TMEM242: variants seen among roughly 807,000 people sequenced by gnomAD.
TMEM242 encodes the protein UPF0463 transmembrane protein C6orf35.
TMEM242 carries 10 observed loss-of-function variants against 18.2 expected under a neutral mutation model. The ratio of observed to expected loss-of-function variants is 0.55; its 90% CI spans 0.34 to 0.93. TMEM242 has a LOEUF of 0.93. TMEM242 is among the 40% of genes least tolerant of loss of function. TMEM242 has a pLI of 0.02. For synonymous variants in TMEM242, 57 were observed against 69.9 expected, an observed-to-expected ratio of 0.81 and a Z score of 0.92; for missense variants, 186 against 175.5, an observed-to-expected ratio of 1.06 and a Z score of -0.34.
intron 3 of TMEM242, among the ~76,000 whole-genome samples, chr6:157,304,492 G>A (rs4282429): frequency 0.036 from 1,138 of 31,270 alleles, 54 homozygotes; most frequent in African/African-American, 0.15. Flanking sequence ...AAAAAAAAAA[G>A]AGAGAGAGAG....
At chr6:157,321,571 T>A (rs1366054326) in intron 2 of TMEM242, among the ~76,000 whole-genome samples, 2 of 152,214 alleles carry the variant, frequency 1.3e-5, no homozygotes, top group African/African-American at 4.8e-5. Context: ...AAAATAGTTC[T>A]GACTTCATGG....
chr6:157,322,945 A>G, intron 1 of TMEM242, 140 bp from the exon 2 acceptor site: 1 of 721,606 alleles, frequency 1.4e-6, no homozygotes, highest in South Asian at 2.0e-5. Flanking sequence ...ACCATGGCTA[A>G]GCAGCTCTTG....
At position 157,305,649 on chromosome 6, in the gene TMEM242, C is replaced by T. The variant is rs1451825986; in HGVS notation, c.328-12650G>A. Among the ~76,000 whole-genome samples the T allele has an allele frequency of 6.6e-6, 1 of 152,110 alleles. No individual in the cohort carries two copies. Among genetic ancestry groups the T allele is most frequent in the Non-Finnish European group, 1.5e-5 (1 of 68,020 alleles). ...GAGTTTAAGTAGGAGCTACTGGACA[C>T]TGATGTTAAGAGGCTGGCCAGGGGA... On this transcript the variant is annotated intron_variant, in intron 3 of 3. Transcript: ENST00000400788. This position sits in a 1 kb window ranked among gnomAD's most constrained non-coding sequence, Gnocchi z 4.1.
chr6:157,300,051 G>T (rs1334503862), intron 3 of TMEM242: 13 of 812,664 alleles, frequency 1.6e-5, no homozygotes, highest in Non-Finnish European at 2.5e-5. Flanking sequence ...GCCTGACTGG[G>T]ACACAGGGAC....
At chr6:157,315,754 A>G (rs1554250276) in intron 3 of TMEM242, among the ~76,000 whole-genome samples, 1 of 152,224 alleles carries the variant, frequency 6.6e-6, no homozygotes, top group Non-Finnish European at 1.5e-5. Context: ...CAAAAAACAA[A>G]GAAGTTCACA....
At position 157,290,649 on chromosome 6, in the gene TMEM242, C is replaced by A. The variant is rs1483149504; in HGVS notation, c.*2252G>T. ...TGGTACAAAAGGAATAGACAAATGA[C>A]GAAATCTACTGATATTCAAGTTCTG... On this transcript the variant is annotated 3_prime_UTR_variant, in exon 4 of 4. Coordinates refer to ENST00000400788, the MANE Select transcript of TMEM242 (RefSeq NM_018452.6). The A allele has an allele frequency of 2.0e-5, 3 of 152,184 alleles. No individual in the cohort carries two copies. The highest frequency in any genetic ancestry group is 2.9e-5 in the Non-Finnish European group (2 of 68,024). The allele number at this position is 152,184 out of a possible 1,614,324, so 9.4% of individuals were successfully genotyped here. A position where few individuals can be genotyped will look rare whatever the true frequency, so the allele number is the denominator to read the frequency against.
intron 3 of TMEM242, among the ~76,000 whole-genome samples, chr6:157,317,679 G>A (rs587732038): frequency 4.6e-5 from 7 of 152,088 alleles, no homozygotes; most frequent in East Asian, 1.9e-4. Context: ...ACTATCAAAC[G>A]GATGTGTCAA....
rs374843312 is a variant in TMEM242 at position 157,322,681 on chromosome 6, T to C, written c.189+24A>G. 246 of 1,589,214 alleles carry C rather than the reference T, an allele frequency of 1.5e-4. 1 individual carries two copies. The highest frequency in any genetic ancestry group is 2.0e-4 in the Non-Finnish European group (229 of 1,163,576). On this transcript the variant is annotated intron_variant, in intron 2 of 3. Transcript: ENST00000400788. ...TATATTGTAAACAATAACAATGCTA[T>C]GAATGGATTTCAGTGTCACCAACCT... is the stretch of plus-strand genomic sequence containing the variant.
At chr6:157,314,274 G>C (rs79562467) in intron 3 of TMEM242, among the ~76,000 whole-genome samples, 1 of 10,756 alleles carries the variant, frequency 9.3e-5, no homozygotes, top group Non-Finnish European at 2.2e-4. Context: ...GCGCTCACCT[G>C]GCCTCATCAT....
At chr6:157,310,729 C>A (rs1554248413) in intron 3 of TMEM242, among the ~76,000 whole-genome samples, 3 of 148,750 alleles carry the variant, frequency 2.0e-5, no homozygotes, top group East Asian at 2.0e-4. Context: ...CAGCTAGCCT[C>A]ATCATAGTGT....
rs1351490710 is a variant in TMEM242, at chr6:157,290,761, C to G, written c.*2140G>C. ...TTACTTCACCTTTGCTTTTAAGATG[C>G]AATTGGAGCTGACGCTTGGTCCCTC... On this transcript the variant is annotated 3_prime_UTR_variant, in exon 4 of 4. Transcript: ENST00000400788. The G allele has an allele frequency of 6.6e-6, 1 of 152,200 alleles. No homozygotes were observed. The highest frequency in any genetic ancestry group is 1.9e-4 in the East Asian group (1 of 5,202). The allele number at this position is 152,200 out of a possible 1,614,324, so 9.4% of individuals were successfully genotyped here.
At chr6:157,317,996 T>C (rs587633145) in intron 3 of TMEM242, among the ~76,000 whole-genome samples, 2 of 152,354 alleles carry the variant, frequency 1.3e-5, no homozygotes, top group African/African-American at 4.8e-5. Context: ...CAGTCATTCT[T>C]AATGTAATGC....
Position 157,289,337 on chromosome 6 carries a change from A to G in TMEM242, c.*3564T>C, listed in dbSNP as rs1227038221. On this transcript the variant is annotated 3_prime_UTR_variant, in exon 4 of 4. Coordinates refer to ENST00000400788, the MANE Select transcript of TMEM242 (RefSeq NM_018452.6). ...TTGCTTTCCTCTTCTATGCTCACAA[A>G]ATCGCAGCCTTGGGCAATTAATCCT... 2 of 152,224 alleles carry G rather than the reference A, an allele frequency of 1.3e-5. No individual in the cohort carries two copies. Among genetic ancestry groups the G allele is most frequent in the Non-Finnish European group, 2.9e-5 (2 of 68,044 alleles). 9.4% of individuals were successfully genotyped at this position (152,224 alleles called of 1,614,324 possible).
chr6:157,295,138 T>C (rs901021036), intron 3 of TMEM242, among the ~76,000 whole-genome samples: 8 of 152,248 alleles, frequency 5.3e-5, no homozygotes, highest in African/African-American at 1.9e-4. Context: ...TATATCTTTT[T>C]AGTTTACATA....
At chr6:157,313,063 A>T (rs1554249594) in intron 3 of TMEM242, among the ~76,000 whole-genome samples, 130 of 151,206 alleles carry the variant, frequency 8.6e-4, no homozygotes, top group Middle Eastern at 6.8e-3. Context: ...TGGCCTCATC[A>T]TAGGGTCCCA....
chr6:157,302,276 C>T (rs782005667), intron 3 of TMEM242, among the ~76,000 whole-genome samples: 2 of 152,294 alleles, frequency 1.3e-5, no homozygotes, highest in Middle Eastern at 6.8e-3. Flanking sequence ...TGATAGCTGT[C>T]ATTTCTTTTA....
rs587724058 is a variant in TMEM242, at chr6:157,315,003, A to G, written c.327+3779T>C. 2.0e-3 allele frequency among the ~76,000 whole-genome samples: 307 copies of G among 152,314 alleles called. 2 individuals are homozygous for G. Among genetic ancestry groups the G allele is most frequent in the Non-Finnish European group, 3.7e-3 (249 of 68,030 alleles). On this transcript the variant is annotated intron_variant, in intron 3 of 3. Transcript: ENST00000400788. The stretch of plus-strand genomic sequence containing the variant: ...CAATTCGAGCTAGCTACTTACAATT[A>G]TTTAACGCTGGAGTTGATTTTATCT...
At chr6:157,304,267 A>G (rs1310333605) in intron 3 of TMEM242, among the ~76,000 whole-genome samples, 3 of 151,990 alleles carry the variant, frequency 2.0e-5, no homozygotes, top group African/African-American at 4.8e-5. Context: ...GGCATTCCAC[A>G]CCAGCCTGGT....
In TMEM242 at chr6:157,292,590, T is replaced by G. The variant is rs903036953; in HGVS notation, c.*311A>C. On this transcript the variant is annotated 3_prime_UTR_variant, in exon 4 of 4. Coordinates refer to ENST00000400788, the MANE Select transcript of TMEM242 (RefSeq NM_018452.6). ...TTCTTATCATACTTTTATTATAAAC[T>G]TTTTTAGTATGAAATTTGCTTCAAC... 76 of 231,612 alleles carry G rather than the reference T, an allele frequency of 3.3e-4. No individual in the cohort carries two copies. The highest frequency in any genetic ancestry group is 5.6e-4 in the Non-Finnish European group (67 of 120,426). 14.3% of individuals were successfully genotyped at this position (231,612 alleles called of 1,614,324 possible).
Sources: allele counts gnomAD v4.1 joint callset (sites outside exome capture counted in the v4.1 genomes callset), GRCh38; gene constraint gnomAD v4.1.1; non-coding constraint Gnocchi (gnomAD v3.1); transcripts MANE v1.5; gene names NCBI Gene and HGNC (gene_info 2026-07-23, HGNC 2026-07-21).